NCAM1: variants seen among roughly 807,000 people sequenced by gnomAD.
NCAM1 encodes neural cell adhesion molecule 1.
NCAM1 carries 14 observed loss-of-function variants against 109.8 expected under a neutral mutation model. The ratio of observed to expected loss-of-function variants is 0.13; its 90% CI spans 0.08 to 0.20. The LOEUF (loss-of-function observed/expected upper bound fraction) is 0.20, where lower values mean the gene tolerates loss of function less well. NCAM1 is among the 10% of genes least tolerant of loss of function. NCAM1 has a pLI of 1.00. For missense variants in NCAM1, 774 were observed against 1,109.9 expected (o/e 0.70, Z 4.30); for synonymous variants, 418 against 442.9 (o/e 0.94, Z 0.70).
chr11:113,014,265 C>T (rs1183097598), intron 1 of NCAM1, among the ~76,000 whole-genome samples: 1 of 151,938 alleles, frequency 6.6e-6, no homozygotes, highest in Non-Finnish European at 1.5e-5. Context: ...ACAGTGCAGC[C>T]CTTTGGAAAA....
rs1298348876 is a variant in NCAM1 at position 113,274,091 on chromosome 11, G to A, written c.2457-1176G>A. 3.3e-5 allele frequency among the ~76,000 whole-genome samples: 5 copies of A among 152,218 alleles called. No homozygotes were observed. The highest frequency in any genetic ancestry group is 4.8e-5 in the African/African-American group (2 of 41,452). ...CCAAGGTGCCCTTATCAGCCACCCTGGGGCCCCCAGTCGGTGTGTTATTCA... is the reference window on the plus strand; with the variant it reads ...CCAAGGTGCCCTTATCAGCCACCCTAGGGCCCCCAGTCGGTGTGTTATTCA... On this transcript the variant is annotated intron_variant, in intron 19 of 19. Coordinates refer to ENST00000316851, the MANE Select transcript of NCAM1 (RefSeq NM_181351.5). This position sits in a 1 kb window ranked among gnomAD's most constrained non-coding sequence, Gnocchi z 4.1.
chr11:113,214,648 C>T (rs1372802880), intron 8 of NCAM1, 137 bp downstream of exon 8: 2 of 876,838 alleles, frequency 2.3e-6, no homozygotes, highest in Non-Finnish European at 3.4e-6. Context: ...CCCGGGGCCT[C>T]CCTCCCCAAC....
intron 1 of NCAM1, among the ~76,000 whole-genome samples, chr11:113,199,161 T>C (rs1314081589): frequency 6.6e-6 from 1 of 152,186 alleles, no homozygotes; most frequent in Admixed American, 6.5e-5. Flanking sequence ...AAGCAAGAGA[T>C]GGGATACTTC....
intron 1 of NCAM1, among the ~76,000 whole-genome samples, chr11:113,044,466 C>T (rs1486222768): frequency 6.6e-6 from 1 of 152,088 alleles, no homozygotes; most frequent in African/African-American, 2.4e-5. Context: ...GGGCCGATCA[C>T]TTGAGGTCAA....
At chr11:113,050,514 C>T (rs1414434146) in intron 1 of NCAM1, among the ~76,000 whole-genome samples, 3 of 151,996 alleles carry the variant, frequency 2.0e-5, no homozygotes, top group Non-Finnish European at 2.9e-5. Context: ...TTTCTGGGTT[C>T]TCTGTTCTGT....
chr11:113,114,656 C>T (rs547418976), intron 1 of NCAM1, among the ~76,000 whole-genome samples: 1 of 152,268 alleles, frequency 6.6e-6, no homozygotes, highest in East Asian at 1.9e-4. Flanking sequence ...TGGTGGAAGG[C>T]CTGAGCCACA....
chr11:113,039,225 CA>C (rs1158520356), intron 1 of NCAM1, among the ~76,000 whole-genome samples: 1 of 152,192 alleles, frequency 6.6e-6, no homozygotes, highest in African/African-American at 2.4e-5. Flanking sequence ...AATTGGCAAA[CA>C]GAGGCTCACT....
At chr11:113,246,828 A>G (rs564140000) in intron 15 of NCAM1, among the ~76,000 whole-genome samples, 1 of 152,376 alleles carries the variant, frequency 6.6e-6, no homozygotes, top group African/African-American at 2.4e-5. Flanking sequence ...AAATATATCA[A>G]TTGCAAAGGT....
intron 9 of NCAM1, among the ~76,000 whole-genome samples, chr11:113,229,198 A>G (rs1341243457): frequency 2.0e-5 from 3 of 152,106 alleles, no homozygotes; most frequent in Non-Finnish European, 4.4e-5. Context: ...ACAAAGGGCT[A>G]ATATCCAGAA....
chr11:113,007,560 A>G (rs577268909), intron 1 of NCAM1, among the ~76,000 whole-genome samples: 2 of 152,368 alleles, frequency 1.3e-5, no homozygotes, highest in South Asian at 4.1e-4. Context: ...ACTGATTCTA[A>G]GATGCCTACA....
chr11:113,181,482 C>G (rs1555107934), intron 1 of NCAM1, among the ~76,000 whole-genome samples: 1 of 152,134 alleles, frequency 6.6e-6, no homozygotes, highest in East Asian at 1.9e-4. Flanking sequence ...CACGTGGACA[C>G]ATGGGATGCG....
chr11:113,152,868 G>T (rs1166097838), intron 1 of NCAM1, among the ~76,000 whole-genome samples: 1 of 151,972 alleles, frequency 6.6e-6, no homozygotes, highest in Non-Finnish European at 1.5e-5. Flanking sequence ...TCATTGGCTG[G>T]GATAGCAAGC....
intron 1 of NCAM1, among the ~76,000 whole-genome samples, chr11:113,074,224 G>GA (rs1555085738): frequency 6.6e-6 from 1 of 152,166 alleles, no homozygotes; most frequent in East Asian, 1.9e-4. Flanking sequence ...AATTGAAGAA[G>GA]AAATAATAAA....
chr11:113,246,736 C>T (rs1555120306), intron 15 of NCAM1, among the ~76,000 whole-genome samples: 1 of 152,198 alleles, frequency 6.6e-6, no homozygotes, highest in Non-Finnish European at 1.5e-5. Context: ...TAACTTCATC[C>T]AGTAGTTCTA....
At chr11:113,097,739 G>T (rs557218634) in intron 1 of NCAM1, among the ~76,000 whole-genome samples, 1 of 151,674 alleles carries the variant, frequency 6.6e-6, no homozygotes, top group Admixed American at 6.6e-5. Flanking sequence ...AAAATAAATT[G>T]ACTTATCATT....
chr11:113,209,360 G>A (rs1944327556), intron 7 of NCAM1, among the ~76,000 whole-genome samples: 1 of 152,220 alleles, frequency 6.6e-6, no homozygotes, highest in Non-Finnish European at 1.5e-5. Flanking sequence ...TTAGGTTCAA[G>A]TTAACCGTAC....
At chr11:113,039,808 A>G (rs1283427571) in intron 1 of NCAM1, among the ~76,000 whole-genome samples, 16 of 152,218 alleles carry the variant, frequency 1.1e-4, no homozygotes, top group Non-Finnish European at 1.3e-4. Context: ...TCAACTCAAT[A>G]TATCAAAAGT....
rs115626716 is a variant in NCAM1, at chr11:113,234,325, G to A, written c.1694-708G>A. 8.5e-3 allele frequency among the ~76,000 whole-genome samples: 1,261 copies of A among 148,404 alleles called. 18 individuals are homozygous for A. The highest frequency in any genetic ancestry group is 0.03 in the African/African-American group (1,211 of 40,076). ...AAAATATACATAACATACATTTTAC[G>A]TTCCATCATTTTTAAGTGTAAAATT... On this transcript the variant is annotated intron_variant, in intron 13 of 19. Transcript: ENST00000316851.
chr11:113,210,782 A>ACACACC (rs1259502246), intron 7 of NCAM1, among the ~76,000 whole-genome samples: 6 of 126,508 alleles, frequency 4.7e-5, no homozygotes, highest in Non-Finnish European at 8.3e-5. Context: ...ACAAACACAC[A>ACACACC]CACACACACA....
Sources: allele counts gnomAD v4.1 joint callset (sites outside exome capture counted in the v4.1 genomes callset), GRCh38; gene constraint gnomAD v4.1.1; non-coding constraint Gnocchi (gnomAD v3.1); transcripts MANE v1.5; gene names NCBI Gene and HGNC (gene_info 2026-07-23, HGNC 2026-07-21).